The following CCDC170 variants were observed in gnomAD, a reference collection of about 807,000 sequenced individuals.
CCDC170 encodes the protein coiled-coil domain-containing protein 170.
CCDC170 carries 69 observed loss-of-function variants against 72.6 expected under a neutral mutation model. The ratio of observed to expected loss-of-function variants is 0.95; its 90% CI spans 0.78 to 1.16. CCDC170 has a LOEUF of 1.16. Ranked by LOEUF, CCDC170 falls within the 50% of genes most tolerant of loss-of-function variation. The pLI, the probability that CCDC170 is intolerant of heterozygous loss-of-function variation, is 0.00. For missense variants in CCDC170, 852 were observed against 832.5 expected (o/e 1.02, Z -0.29); for synonymous variants, 300 against 303.9 (o/e 0.99, Z 0.13).
intron 2 of CCDC170, among the ~76,000 whole-genome samples, chr6:151,537,471 C>G (rs1188266992): frequency 6.6e-6 from 1 of 152,198 alleles, no homozygotes; most frequent in Admixed American, 6.5e-5. Context: ...TTCGATATCA[C>G]AGAACTCATA....
rs770432018 is a variant in CCDC170 at position 151,596,533 on chromosome 6, C to T, written c.1666C>T (p.His556Tyr). The change falls in exon 9 of 11, where the codon CAC (histidine) becomes TAC (tyrosine). Residue 556 changes from histidine (H) to tyrosine (Y), a missense_variant. By Grantham distance (83) the His-to-Tyr change is moderately conservative (BLOSUM62 2). Transcript: ENST00000239374. ...QKELNTCRDLHTELKAKLADT... is the reference protein window; with the variant it reads ...QKELNTCRDLYTELKAKLADT... ...AGAGCTGAACACGTGTCGAGACTTG[C>T]ACACCGAGCTCAAAGCCAAACTGGC... The T allele has an allele frequency of 3.7e-6, 6 of 1,614,132 alleles. No individual in the cohort carries two copies. In the South Asian group the frequency reaches 5.5e-5, roughly 15 times the overall value.
intron 5 of CCDC170, among the ~76,000 whole-genome samples, chr6:151,569,512 G>T (rs999720146): frequency 6.6e-6 from 1 of 152,218 alleles, no homozygotes; most frequent in Non-Finnish European, 1.5e-5. Flanking sequence ...CCTGCCCTCT[G>T]TGATTTCCTC....
intron 5 of CCDC170, among the ~76,000 whole-genome samples, chr6:151,571,498 C>A (rs571499336): frequency 6.6e-6 from 1 of 152,102 alleles, no homozygotes; most frequent in African/African-American, 2.4e-5. Flanking sequence ...GAGGCCGAAG[C>A]GGGTAGATCA....
Position 151,538,326 on chromosome 6 carries a change from C to T in CCDC170, c.443+25C>T, listed in dbSNP as rs771682530. Reference sequence around the variant, plus strand: ...AGTAAGGATACTGCAATATATTTTTCGCTTTAGCTAGCATTAAAATACTAG... The same window carrying T: ...AGTAAGGATACTGCAATATATTTTTTGCTTTAGCTAGCATTAAAATACTAG... On this transcript the variant is annotated intron_variant, in intron 3 of 10. Coordinates refer to ENST00000239374, the MANE Select transcript of CCDC170 (RefSeq NM_025059.4). 1.6e-5 allele frequency: 25 copies of T among 1,595,236 alleles called. No homozygotes were observed. In the East Asian group the frequency reaches 2.5e-4, roughly 16 times the overall value.
At chr6:151,583,976 A>G (rs1776414919) in intron 6 of CCDC170, among the ~76,000 whole-genome samples, 1 of 152,228 alleles carries the variant, frequency 6.6e-6, no homozygotes, top group Non-Finnish European at 1.5e-5. Context: ...AGTAACATCA[A>G]AGATCTCCGA....
At chr6:151,514,355 G>C (rs1473521151) in intron 1 of CCDC170, among the ~76,000 whole-genome samples, 8 of 128,462 alleles carry the variant, frequency 6.2e-5, no homozygotes, top group Middle Eastern at 3.8e-3. Context: ...GAGGGAGGGA[G>C]GGAGGGAGGG....
At chr6:151,536,481 C>T (rs763893224) in intron 2 of CCDC170, 35 bp downstream of exon 2, 2 of 1,608,814 alleles carry the variant, frequency 1.2e-6, no homozygotes, top group African/African-American at 1.3e-5. Flanking sequence ...CAGAAATGGG[C>T]CTTCTTAGCT....
At chr6:151,550,645 T>A (rs1285092589) in intron 5 of CCDC170, among the ~76,000 whole-genome samples, 1 of 152,164 alleles carries the variant, frequency 6.6e-6, no homozygotes, top group Non-Finnish European at 1.5e-5. Flanking sequence ...GACTGGGTGG[T>A]TTAAACAACA....
chr6:151,571,530 C>G (rs906905447), intron 5 of CCDC170, among the ~76,000 whole-genome samples: 1 of 152,104 alleles, frequency 6.6e-6, no homozygotes, highest in African/African-American at 2.4e-5. Flanking sequence ...GAGTTCAAGA[C>G]CAGCCTGACC....
At chr6:151,596,218 T>C in intron 8 of CCDC170, 117 bp from the exon 9 acceptor site, 1 of 1,229,136 alleles carries the variant, frequency 8.1e-7, no homozygotes, top group African/African-American at 1.5e-5. Flanking sequence ...ACTTTTTTGA[T>C]GGTTTACAAA....
chr6:151,522,787 C>G (rs1053542872), intron 1 of CCDC170, among the ~76,000 whole-genome samples: 1 of 152,212 alleles, frequency 6.6e-6, no homozygotes, highest in African/African-American at 2.4e-5. Context: ...AACTTTATAA[C>G]AACCTTGCAT....
chr6:151,536,797 AAG>A (rs1782594864), intron 2 of CCDC170, among the ~76,000 whole-genome samples: 4 of 142,038 alleles, frequency 2.8e-5, no homozygotes, highest in African/African-American at 7.9e-5. Context: ...AAAAAAAAAA[AAG>A]AAAAAGAAAA....
intron 7 of CCDC170, among the ~76,000 whole-genome samples, chr6:151,587,385 G>A (rs1166470936): frequency 6.6e-6 from 1 of 152,068 alleles, no homozygotes; most frequent in Non-Finnish European, 1.5e-5. Context: ...AGAGAGGCAT[G>A]AGGCAGTGGC....
chr6:151,590,355 A>G (rs1207398832), intron 7 of CCDC170, among the ~76,000 whole-genome samples: 1 of 151,930 alleles, frequency 6.6e-6, no homozygotes, highest in Non-Finnish European at 1.5e-5. Context: ...GTGGATTGGT[A>G]TTTCTTCCCT....
chr6:151,532,165 AC>A (rs66959865), intron 1 of CCDC170, among the ~76,000 whole-genome samples: 71,214 of 151,956 alleles, frequency 0.47, 18,838 homozygotes, highest in Non-Finnish European at 0.6. Flanking sequence ...TCTATTGAAA[AC>A]AATCCCAAAC....
intron 5 of CCDC170, 88 bp from the exon 6 acceptor site, chr6:151,573,086 G>GGCAAAGTCAATGAATTTGCCATA: frequency 8.1e-7 from 1 of 1,235,762 alleles, no homozygotes. Flanking sequence ...GTCATTAGCA[G>GGCAAAGTCAATGAATTTGCCATA]GCAAAGTCAA....
At chr6:151,547,498 T>A (rs1782794675) in intron 4 of CCDC170, among the ~76,000 whole-genome samples, 1 of 151,986 alleles carries the variant, frequency 6.6e-6, no homozygotes, top group Non-Finnish European at 1.5e-5. Flanking sequence ...AGAGAGATCA[T>A]GCAAATGTGA....
At chr6:151,503,440 G>GTTTACT (rs1554354359) in intron 1 of CCDC170, among the ~76,000 whole-genome samples, 7 of 151,824 alleles carry the variant, frequency 4.6e-5, no homozygotes, top group Non-Finnish European at 8.8e-5. Context: ...AGCTTGATGT[G>GTTTACT]TTTATTTTTA....
At chr6:151,562,339 G>A (rs1352328864) in intron 5 of CCDC170, among the ~76,000 whole-genome samples, 2 of 152,114 alleles carry the variant, frequency 1.3e-5, no homozygotes, top group African/African-American at 2.4e-5. Context: ...TCAGGGAAAT[G>A]TTGCTTCTTA....
Sources: gnomAD v4.1 joint callset for allele counts (sites outside exome capture counted in the v4.1 genomes callset) on GRCh38, gnomAD v4.1.1 for gene constraint, MANE v1.5 for transcripts, NCBI Gene and HGNC (gene_info 2026-07-23, HGNC 2026-07-21) for gene names.